Variants in DGKI observed in about 807,000 individuals in gnomAD.
The protein encoded by DGKI is DAG kinase iota.
A neutral mutation model predicts 147.5 loss-of-function variants in DGKI; 55 were observed. The observed-to-expected ratio is 0.37, with a 90% CI of 0.30 to 0.47. The LOEUF is 0.47. Among genes scored for constraint, DGKI ranks in the 20% least tolerant of loss-of-function variants. The pLI, the probability that DGKI is intolerant of heterozygous loss-of-function variation, is 1.00. For missense variants in DGKI, 1,007 were observed against 1,323.8 expected, an observed-to-expected ratio of 0.76 and a Z score of 3.71; for synonymous variants, 469 against 477.1, an observed-to-expected ratio of 0.98 and a Z score of 0.22.
chr7:137,496,417 T>C (rs1008851489), intron 21 of DGKI, among the ~76,000 whole-genome samples: 4 of 151,986 alleles, frequency 2.6e-5, no homozygotes, highest in African/African-American at 9.7e-5. Context: ...GCTGTTCCTA[T>C]CAAACTACCA....
intron 21 of DGKI, among the ~76,000 whole-genome samples, chr7:137,507,812 G>A (rs1816419575): frequency 6.6e-6 from 1 of 152,070 alleles, no homozygotes; most frequent in Admixed American, 6.6e-5. Flanking sequence ...GGCAGGAATT[G>A]GATAGACATG....
At chr7:137,722,073 G>A (rs77404527) in intron 1 of DGKI, 2 of 1,597,810 alleles carry the variant, frequency 1.3e-6, no homozygotes, top group Non-Finnish European at 1.7e-6. Context: ...AGGTGAAAAA[G>A]GGTAACCTCA....
chr7:137,717,738 A>G (rs999515928), intron 1 of DGKI, among the ~76,000 whole-genome samples: 4 of 152,162 alleles, frequency 2.6e-5, no homozygotes, highest in Non-Finnish European at 4.4e-5. Flanking sequence ...TGGAGAAGAA[A>G]AAGATTAAGT....
At chr7:137,539,640 C>A (rs1025717208) in intron 20 of DGKI, among the ~76,000 whole-genome samples, 1 of 151,718 alleles carries the variant, frequency 6.6e-6, no homozygotes, top group Non-Finnish European at 1.5e-5. Context: ...GTGGCCTGAA[C>A]TTGAGTCAAT....
intron 2 of DGKI, among the ~76,000 whole-genome samples, chr7:137,681,506 A>G (rs1485462234): frequency 6.6e-6 from 1 of 152,270 alleles, no homozygotes; most frequent in Non-Finnish European, 1.5e-5. Context: ...ACTCTAAGTT[A>G]TAACCATTTA....
Position 137,668,315 on chromosome 7 carries a change from G to T in DGKI, c.606+10242C>A, listed in dbSNP as rs572660961. Among the ~76,000 whole-genome samples, 21 of 152,312 alleles carry T rather than the reference G, an allele frequency of 1.4e-4. No homozygotes were observed. In the South Asian group the frequency reaches 3.5e-3, roughly 26 times the overall value. ...AATGAAATAAAATGCACTGCAAAAG[G>T]CATGGCACTGGCTAAACAGGGCATA... On this transcript the variant is annotated intron_variant, in intron 3 of 32. Transcript: ENST00000614521.
chr7:137,532,788 C>T (rs564958472), intron 20 of DGKI, among the ~76,000 whole-genome samples: 62 of 152,274 alleles, frequency 4.1e-4, no homozygotes, highest in African/African-American at 1.5e-3. Flanking sequence ...ATTCCTGATC[C>T]AATGACTGAG....
chr7:137,636,306 G>A (rs1394452352), intron 6 of DGKI, among the ~76,000 whole-genome samples: 2 of 152,186 alleles, frequency 1.3e-5, no homozygotes, highest in Admixed American at 1.3e-4. Context: ...TGGTTGAGGA[G>A]AGAGATGATG....
At chr7:137,443,268 C>T (rs548178626) in intron 28 of DGKI, among the ~76,000 whole-genome samples, 7 of 152,082 alleles carry the variant, frequency 4.6e-5, no homozygotes, top group Non-Finnish European at 5.9e-5. Flanking sequence ...TAGAGGCCAT[C>T]GGAGCAGATT....
intron 20 of DGKI, among the ~76,000 whole-genome samples, chr7:137,527,656 T>C (rs1043758112): frequency 6.6e-6 from 1 of 152,174 alleles, no homozygotes; most frequent in Non-Finnish European, 1.5e-5. Context: ...ACACGCACTA[T>C]GTAGAAACAT....
chr7:137,779,170 C>T (rs1257277034), intron 1 of DGKI, among the ~76,000 whole-genome samples: 6 of 152,028 alleles, frequency 3.9e-5, no homozygotes, highest in Admixed American at 3.9e-4. Context: ...AATAGAGAGT[C>T]CAGAAATAGT....
intron 17 of DGKI, among the ~76,000 whole-genome samples, chr7:137,575,279 T>C (rs775632757): frequency 1.3e-5 from 2 of 152,200 alleles, no homozygotes; most frequent in Non-Finnish European, 2.9e-5. Context: ...TAATATTACA[T>C]ATATAGGCTG....
intron 12 of DGKI, among the ~76,000 whole-genome samples, chr7:137,593,832 T>C (rs939214611): frequency 1.3e-5 from 2 of 152,340 alleles, no homozygotes; most frequent in Non-Finnish European, 2.9e-5. Context: ...ATTGTACAAA[T>C]GTGGCTTGCA....
At chr7:137,771,407 G>A (rs966878283) in intron 1 of DGKI, among the ~76,000 whole-genome samples, 3 of 152,170 alleles carry the variant, frequency 2.0e-5, no homozygotes, top group South Asian at 2.1e-4. Flanking sequence ...CTTAAATCTC[G>A]AACAAAGCAT....
intron 1 of DGKI, among the ~76,000 whole-genome samples, chr7:137,802,268 C>G (rs960841890): frequency 3.3e-5 from 5 of 152,138 alleles, no homozygotes; most frequent in African/African-American, 1.2e-4. Flanking sequence ...GGATAAAAGA[C>G]TACACATTGT....
At chr7:137,843,404 C>G in intron 1 of DGKI, 1 of 985,180 alleles carries the variant, frequency 1.0e-6, no homozygotes, top group African/African-American at 1.7e-5. Context: ...ACTCGCACTG[C>G]CTTTTCAAAC....
intron 1 of DGKI, among the ~76,000 whole-genome samples, chr7:137,819,085 G>A (rs558035618): frequency 4.9e-4 from 74 of 152,204 alleles, no homozygotes; most frequent in African/African-American, 1.6e-3. Flanking sequence ...TCAAAAGCAC[G>A]ATCAAAGGCT....
rs1240196916 is a variant in DGKI, at chr7:137,382,855, C to T, written c.*8365G>A. The T allele has an allele frequency of 6.6e-6, 1 of 151,990 alleles. No homozygotes were observed. Among genetic ancestry groups the T allele is most frequent in the East Asian group, 1.9e-4 (1 of 5,180 alleles). The allele number at this position is 151,990 out of a possible 1,614,324, so 9.4% of individuals were successfully genotyped here. A position where few individuals can be genotyped will look rare whatever the true frequency, so the allele number is the denominator to read the frequency against. Reference sequence around the variant, plus strand: ...AAAATTACCTCAAGTGACTTCCTCCCTCACCCAGTCAACCTGAAATCTAGG... The same window carrying T: ...AAAATTACCTCAAGTGACTTCCTCCTTCACCCAGTCAACCTGAAATCTAGG... On this transcript the variant is annotated 3_prime_UTR_variant, in exon 33 of 33. Coordinates refer to ENST00000614521, the MANE Select transcript of DGKI (RefSeq NM_001321708.2).
intron 2 of DGKI, among the ~76,000 whole-genome samples, chr7:137,679,404 GTTT>G (rs71652786): frequency 7.8e-6 from 1 of 127,556 alleles, no homozygotes; most frequent in Non-Finnish European, 1.7e-5. Flanking sequence ...GAAGCAAACT[GTTT>G]TTTTTTTTTT....
Sources: gnomAD v4.1 joint callset for allele counts (sites outside exome capture counted in the v4.1 genomes callset) on GRCh38, gnomAD v4.1.1 for gene constraint, MANE v1.5 for transcripts, NCBI Gene and HGNC (gene_info 2026-07-23, HGNC 2026-07-21) for gene names.